The following DNM3 variants were observed in gnomAD, a reference collection of about 807,000 sequenced individuals.
The protein encoded by DNM3 is dynamin-3.
DNM3 carries 47 observed loss-of-function variants against 101.6 expected under a neutral mutation model. That is an observed-to-expected ratio of 0.46 (90% CI 0.37 to 0.59). The LOEUF is 0.59. Among genes scored for constraint, DNM3 ranks in the 20% least tolerant of loss-of-function variants. DNM3 has a pLI of 0.00. For synonymous variants in DNM3, 385 were observed against 387.9 expected (o/e 0.99, Z 0.09); for missense variants, 849 against 1,085.7 (o/e 0.78, Z 3.06).
At chr1:171,844,065 A>G (rs1442943291) in intron 1 of DNM3, among the ~76,000 whole-genome samples, 5 of 152,084 alleles carry the variant, frequency 3.3e-5, no homozygotes, top group African/African-American at 1.2e-4. Flanking sequence ...TTTAATTAGG[A>G]AGGTCATTTG....
rs373374370 is a variant in DNM3, at chr1:171,841,722, G to T, written c.66G>T (p.Ala22=). The T allele has an allele frequency of 5.8e-5, 94 of 1,611,206 alleles. No homozygotes were observed. The highest frequency in any genetic ancestry group is 7.4e-5 in the Non-Finnish European group (87 of 1,179,296). ...LVNRLQDAFS[A]LGQSCLLELP... is the part of the protein sequence containing the mutation. ...ACCGTCTGCAGGACGCGTTTTCGGC[G>T]CTGGGACAGAGCTGCCTGCTGGAGC... Residue 22 remains alanine (A), a synonymous_variant, in exon 1 of 21, where the codon GCG becomes GCT. Transcript: ENST00000627582.
chr1:172,051,109 G>A (rs903813739), intron 10 of DNM3, among the ~76,000 whole-genome samples: 1 of 152,080 alleles, frequency 6.6e-6, no homozygotes, highest in Non-Finnish European at 1.5e-5. Context: ...TTCCCCTGAG[G>A]TTACTATTTA....
chr1:171,948,740 A>G (rs931549154), intron 2 of DNM3, among the ~76,000 whole-genome samples: 24 of 152,168 alleles, frequency 1.6e-4, no homozygotes, highest in African/African-American at 4.3e-4. Context: ...CCAAAACACT[A>G]AACAACTCCT....
In DNM3 at chr1:171,932,369, T is replaced by C. The variant is rs1190685924; in HGVS notation, c.235+10548T>C. ...TATGTTGCTCAGGCTGGTCTTGAAC[T>C]CCTAGGCTCAAGTGATCTTCCGAAA... On this transcript the variant is annotated intron_variant, in intron 2 of 20. Transcript: ENST00000627582. 3.3e-5 allele frequency among the ~76,000 whole-genome samples: 5 copies of C among 151,838 alleles called. No individual in the cohort carries two copies. In the South Asian group the frequency reaches 1.0e-3, roughly 32 times the overall value.
chr1:171,994,665 T>A (rs543503177), intron 4 of DNM3, among the ~76,000 whole-genome samples: 9 of 152,040 alleles, frequency 5.9e-5, no homozygotes, highest in African/African-American at 2.2e-4. Context: ...TTTGTGGCCA[T>A]CTCATTCCCA....
chr1:172,307,337 C>A (rs914451749), intron 15 of DNM3, among the ~76,000 whole-genome samples: 3 of 152,202 alleles, frequency 2.0e-5, no homozygotes, highest in African/African-American at 7.2e-5. Flanking sequence ...TAACATCTTA[C>A]ACCAGTTAGA....
In DNM3 at chr1:172,253,489, TCTCTCCTCTCCTCTCCTCTCCTCTC is replaced by T. The variant is rs139551857; in HGVS notation, c.1660-52_1660-28del. 4.4e-4 allele frequency: 259 copies of T among 593,864 alleles called. 3 individuals carry two copies. The highest frequency in any genetic ancestry group is 2.3e-3 in the Middle Eastern group (5 of 2,216). The allele number at this position is 593,864 out of a possible 1,614,324, so 36.8% of individuals were successfully genotyped here. ...ATCTTTTATTAAAGTCAATTTTCTGTCTCTCCTCTCCTCTCCTCTCCTCTCCTCTCCTCTCCTCTCCTCTCCTCTC... is the reference window on the plus strand; with the variant it reads ...ATCTTTTATTAAAGTCAATTTTCTGTCTCTCCTCTCCTCTCCTCTCCTCTC... On this transcript the variant is annotated intron_variant, in intron 14 of 20. Coordinates refer to ENST00000627582, the MANE Select transcript of DNM3 (RefSeq NM_015569.5).
chr1:172,058,783 G>A (rs981615295), intron 10 of DNM3, among the ~76,000 whole-genome samples: 1 of 151,212 alleles, frequency 6.6e-6, no homozygotes, highest in African/African-American at 2.4e-5. Flanking sequence ...ACAATTAAAA[G>A]AACTAGAAAA....
chr1:172,160,267 A>G (rs563577374), intron 14 of DNM3, among the ~76,000 whole-genome samples: 1 of 152,116 alleles, frequency 6.6e-6, no homozygotes, highest in African/African-American at 2.4e-5. Context: ...TTCAACAATA[A>G]AGTAACCTTA....
chr1:171,940,789 A>AT (rs1300244445), intron 2 of DNM3, among the ~76,000 whole-genome samples: 13 of 152,062 alleles, frequency 8.5e-5, no homozygotes, highest in Non-Finnish European at 1.5e-5. Context: ...ACTTTTCATC[A>AT]TTGTACTATT....
rs778523123 is a variant in DNM3, at chr1:171,862,007, G to A, written c.161+20190G>A. On this transcript the variant is annotated intron_variant, in intron 1 of 20. Coordinates refer to ENST00000627582, the MANE Select transcript of DNM3 (RefSeq NM_015569.5). ...CTCAACATCAGTAGTCAGTAGAGAA[G>A]CAAATTAAAATACAATGATATGCCA... Among the ~76,000 whole-genome samples, 37 of 152,080 alleles carry A rather than the reference G, an allele frequency of 2.4e-4. 1 individual carries two copies. Among genetic ancestry groups the A allele is most frequent in the Admixed American group, 1.3e-4 (2 of 15,260 alleles).
chr1:172,111,187 A>G (rs1443315859), intron 13 of DNM3, among the ~76,000 whole-genome samples: 1 of 152,252 alleles, frequency 6.6e-6, no homozygotes, highest in Non-Finnish European at 1.5e-5. Context: ...AGCAGATGCT[A>G]TTGTTGCTTT....
chr1:172,288,931 A>G (rs1428683738), intron 15 of DNM3, among the ~76,000 whole-genome samples: 3 of 152,130 alleles, frequency 2.0e-5, no homozygotes, highest in Non-Finnish European at 4.4e-5. Context: ...TTAGGAAAAA[A>G]TCCTAGCTGG....
At chr1:172,340,972 C>A (rs1464698542) in intron 17 of DNM3, among the ~76,000 whole-genome samples, 1 of 152,010 alleles carries the variant, frequency 6.6e-6, no homozygotes, top group Non-Finnish European at 1.5e-5. Flanking sequence ...GAAATATGTG[C>A]CATCAATGCC....
intron 14 of DNM3, among the ~76,000 whole-genome samples, chr1:172,181,198 G>A (rs1215726504): frequency 6.6e-6 from 1 of 151,994 alleles, no homozygotes; most frequent in African/African-American, 2.4e-5. Flanking sequence ...AGATAAGTTG[G>A]TTCTTTTTGG....
intron 13 of DNM3, among the ~76,000 whole-genome samples, chr1:172,112,712 T>A (rs779847459): frequency 4.6e-5 from 7 of 152,146 alleles, no homozygotes; most frequent in Non-Finnish European, 1.0e-4. Context: ...GAGCTTGAGA[T>A]GAGTTTGGGG....
intron 1 of DNM3, among the ~76,000 whole-genome samples, chr1:171,852,368 T>G (rs182817390): frequency 1.9e-4 from 29 of 152,336 alleles, no homozygotes; most frequent in Middle Eastern, 3.4e-3. Flanking sequence ...TGTTTGAAAA[T>G]TCTTTTAGCA....
chr1:172,154,678 G>T (rs1158138092), intron 14 of DNM3, among the ~76,000 whole-genome samples: 1 of 152,060 alleles, frequency 6.6e-6, no homozygotes, highest in African/African-American at 2.4e-5. Context: ...CTATCACATA[G>T]GTCCTTTAAG....
At chr1:172,149,840 G>T (rs1373379140) in intron 14 of DNM3, among the ~76,000 whole-genome samples, 1 of 151,842 alleles carries the variant, frequency 6.6e-6, no homozygotes, top group Non-Finnish European at 1.5e-5. Flanking sequence ...TTTTGCAGGG[G>T]TGGAGAAAGT....
Sources: allele counts gnomAD v4.1 joint callset (sites outside exome capture counted in the v4.1 genomes callset), GRCh38; gene constraint gnomAD v4.1.1; transcripts MANE v1.5; gene names NCBI Gene and HGNC (gene_info 2026-07-23, HGNC 2026-07-21).